Variants in METTL6 observed in about 807,000 individuals in gnomAD.
METTL6 encodes the protein tRNA N(3)-cytidine methyltransferase METTL6.
A neutral mutation model predicts 26.4 loss-of-function variants in METTL6; 22 were observed. The observed-to-expected ratio is 0.83, with a 90% CI of 0.59 to 1.19. METTL6 has a LOEUF of 1.19. Among genes scored for constraint, METTL6 ranks in the 50% most tolerant of loss-of-function variants. METTL6 has a pLI of 0.00. For missense variants in METTL6, 304 were observed against 324.8 expected (o/e 0.94, Z 0.49); for synonymous variants, 109 against 116.2 (o/e 0.94, Z 0.40).
intron 6 of METTL6, among the ~76,000 whole-genome samples, chr3:15,395,770 A>C (rs1559480921): frequency 2.0e-5 from 3 of 152,080 alleles, no homozygotes; most frequent in Admixed American, 6.5e-5. Context: ...GTTTGGCTGG[A>C]TATGAAATTC....
At chr3:15,389,221 T>C (rs374945057) in intron 6 of METTL6, among the ~76,000 whole-genome samples, 2 of 151,816 alleles carry the variant, frequency 1.3e-5, no homozygotes, top group South Asian at 4.2e-4. Flanking sequence ...CTCGAACTCC[T>C]GCCCTCAAGC....
intron 6 of METTL6, among the ~76,000 whole-genome samples, chr3:15,393,852 T>A (rs1196179513): frequency 6.6e-6 from 1 of 152,246 alleles, no homozygotes; most frequent in East Asian, 1.9e-4. Flanking sequence ...GAAGCCCACT[T>A]GATCATGGTG....
rs182735162 is a variant in METTL6 at position 15,403,657 on chromosome 3, G to A, written c.*11+7588C>T. ...TGTTTCCCTACCTTCTAGCACATGC[G>A]CATGTTACTGGGAAGGGATCCCAAT... On this transcript the variant is annotated intron_variant, in intron 6 of 6. Transcript: ENST00000443029. Among the ~76,000 whole-genome samples, 26 of 152,214 alleles carry A rather than the reference G, an allele frequency of 1.7e-4. No individual in the cohort carries two copies. The East Asian group carries it at 3.9e-3, about 23-fold the overall frequency.
At chr3:15,427,151 C>T (rs555115520) in intron 1 of METTL6, among the ~76,000 whole-genome samples, 108 of 152,342 alleles carry the variant, frequency 7.1e-4, no homozygotes, top group African/African-American at 2.5e-3. Context: ...GGGAGCGTCA[C>T]TTTGCAGGGA....
intron 4 of METTL6, chr3:15,415,394 T>C (rs1700156654): frequency 5.3e-6 from 6 of 1,141,942 alleles, no homozygotes; most frequent in Non-Finnish European, 6.3e-6. Context: ...TGACCTCAAG[T>C]GATTCACCTG....
chr3:15,391,256 C>A (rs1157366890), intron 6 of METTL6, among the ~76,000 whole-genome samples: 1 of 152,162 alleles, frequency 6.6e-6, no homozygotes, highest in African/African-American at 2.4e-5. Flanking sequence ...AAAGGCAACA[C>A]GTGGGTGGAA....
At chr3:15,393,702 A>T (rs1005756306) in intron 6 of METTL6, among the ~76,000 whole-genome samples, 2 of 152,186 alleles carry the variant, frequency 1.3e-5, no homozygotes, top group Non-Finnish European at 2.9e-5. Flanking sequence ...AGTTTTTAGC[A>T]TGAAGGGCTG....
intron 6 of METTL6, chr3:15,384,351 C>T (rs1456653728): frequency 4.9e-6 from 1 of 204,638 alleles, no homozygotes; most frequent in Non-Finnish European, 1.0e-5. Flanking sequence ...AGGGTCACCA[C>T]ACATCTGAGA....
intron 3 of METTL6, among the ~76,000 whole-genome samples, chr3:15,419,964 C>T (rs185759550): frequency 6.6e-6 from 1 of 151,526 alleles, no homozygotes; most frequent in East Asian, 1.9e-4. Flanking sequence ...CAGGTTCATG[C>T]CGTTCTCCTG....
upstream of METTL6, chr3:15,427,629 G>C (rs548505049): frequency 1.5e-4 from 109 of 737,324 alleles, no homozygotes; most frequent in East Asian, 2.9e-3. Flanking sequence ...GAGAGAACTT[G>C]CTTCTGGACC....
rs760719902 is a variant in METTL6 at position 15,411,480 on chromosome 3, T to C, written c.674-43A>G. 9 of 1,578,028 alleles carry C rather than the reference T, an allele frequency of 5.7e-6. No homozygotes were observed. In the East Asian group the frequency reaches 1.6e-4, roughly 28 times the overall value. On this transcript the variant is annotated intron_variant, in intron 5 of 5. Coordinates refer to ENST00000383790, the MANE Select transcript of METTL6 (RefSeq NM_152396.4). Reference sequence around the variant, plus strand: ...ACAATGCTCAACAGTCTTCATAACATTACATTTGCTTTGCAGTCCTTGAGG... The same window carrying C: ...ACAATGCTCAACAGTCTTCATAACACTACATTTGCTTTGCAGTCCTTGAGG...
chr3:15,399,190 T>G (rs1216330371), intron 6 of METTL6, among the ~76,000 whole-genome samples: 2 of 152,044 alleles, frequency 1.3e-5, no homozygotes, highest in Non-Finnish European at 2.9e-5. Flanking sequence ...TTGCCTATCC[T>G]TTCCTTCCCC....
At chr3:15,387,091 C>A (rs1373118267) in intron 6 of METTL6, among the ~76,000 whole-genome samples, 2 of 152,168 alleles carry the variant, frequency 1.3e-5, no homozygotes, top group Non-Finnish European at 2.9e-5. Flanking sequence ...AGCCATGGTG[C>A]CCAGTTAGTT....
intron 3 of METTL6, among the ~76,000 whole-genome samples, chr3:15,424,138 C>A (rs1186968817): frequency 1.9e-4 from 2 of 10,304 alleles, no homozygotes; most frequent in Admixed American, 2.9e-3. Flanking sequence ...CATGTTCATG[C>A]CACTGCATTT....
At chr3:15,401,291 G>A (rs545975691) in intron 6 of METTL6, among the ~76,000 whole-genome samples, 7 of 151,762 alleles carry the variant, frequency 4.6e-5, no homozygotes, top group South Asian at 4.2e-4. Context: ...CGCCCGCCTC[G>A]GCCTCCCAAA....
At chr3:15,409,429 T>C (rs562708780), downstream of METTL6, among the ~76,000 whole-genome samples, 9 of 152,278 alleles carry the variant, frequency 5.9e-5, no homozygotes, top group Admixed American at 5.2e-4. Flanking sequence ...TAAAAGGCAA[T>C]GATTGGGAAA....
At chr3:15,423,222 C>T (rs2061644951) in intron 3 of METTL6, among the ~76,000 whole-genome samples, 1 of 151,916 alleles carries the variant, frequency 6.6e-6, no homozygotes, top group Non-Finnish European at 1.5e-5. Context: ...ATGGCGAAAC[C>T]CCATCTCTAC....
chr3:15,424,816 C>A, intron 3 of METTL6, 139 bp downstream of exon 3: 1 of 1,076,124 alleles, frequency 9.3e-7, no homozygotes, highest in Non-Finnish European at 1.4e-6. Flanking sequence ...TGTATGTAAG[C>A]AGGACAACTA....
intron 6 of METTL6, among the ~76,000 whole-genome samples, chr3:15,388,255 C>T (rs1272793662): frequency 6.6e-6 from 1 of 152,126 alleles, no homozygotes; most frequent in East Asian, 1.9e-4. Context: ...GGATTACAGG[C>T]ACATGCCACC....
Sources: allele counts gnomAD v4.1 joint callset (sites outside exome capture counted in the v4.1 genomes callset), GRCh38; gene constraint gnomAD v4.1.1; transcripts MANE v1.5; gene names NCBI Gene and HGNC (gene_info 2026-07-23, HGNC 2026-07-21).